The following SNTG1 variants were observed in gnomAD, a reference collection of about 807,000 sequenced individuals.
The protein encoded by SNTG1 is gamma-1-syntrophin.
In SNTG1, 39 loss-of-function variants were observed where a neutral mutation model predicts 74.7. The ratio of observed to expected loss-of-function variants is 0.52; its 90% CI spans 0.40 to 0.68. The LOEUF is 0.68. Ranked by LOEUF, SNTG1 falls within the 30% of genes least tolerant of loss-of-function variation. The probability of loss-of-function intolerance (pLI) is 0.00; values close to 1 mark genes in which losing one functional copy is unlikely to be tolerated. For synonymous variants in SNTG1, 254 were observed against 217.1 expected, an observed-to-expected ratio of 1.17 and a Z score of -1.49; for missense variants, 685 against 609.5, an observed-to-expected ratio of 1.12 and a Z score of -1.30.
At chr8:50,701,744 T>C (rs1452450400) in intron 15 of SNTG1, among the ~76,000 whole-genome samples, 21 of 54,876 alleles carry the variant, frequency 3.8e-4, no homozygotes, top group African/African-American at 1.0e-3. Context: ...TTCTTTTTCT[T>C]CTCCTTCTTC....
At chr8:49,984,078 G>A (rs1812930593) in intron 1 of SNTG1, among the ~76,000 whole-genome samples, 1 of 152,166 alleles carries the variant, frequency 6.6e-6, no homozygotes, top group South Asian at 2.1e-4. Context: ...TAAAAATCCT[G>A]TTTGGAATGA....
chr8:50,401,359 C>T (rs12679464), intron 3 of SNTG1, among the ~76,000 whole-genome samples: 89,980 of 151,948 alleles, frequency 0.59, 26,811 homozygotes, highest in East Asian at 0.82. Context: ...TATATGTATT[C>T]TGGATAAATG....
intron 18 of SNTG1, among the ~76,000 whole-genome samples, chr8:50,771,322 AC>A (rs1017293666): frequency 3.0e-4 from 46 of 152,088 alleles, no homozygotes; most frequent in African/African-American, 8.9e-4. Context: ...TGCCTATTAC[AC>A]CCTTGCAAAG....
chr8:50,325,555 T>C (rs979438174), intron 2 of SNTG1, among the ~76,000 whole-genome samples: 2 of 152,080 alleles, frequency 1.3e-5, no homozygotes, highest in Non-Finnish European at 2.9e-5. Flanking sequence ...AAAATTTATA[T>C]ATTAACTTCA....
At position 50,573,746 on chromosome 8, in the gene SNTG1, C is replaced by A. The variant is rs563334575; in HGVS notation, c.811-17133C>A. The stretch of plus-strand genomic sequence containing the variant: ...CCCCATGTTTTAGAAACAGAATACT[C>A]AAATTTTAAAATCATAGTTCCAGTA... On this transcript the variant is annotated intron_variant, in intron 12 of 18. Coordinates refer to ENST00000642720, the MANE Select transcript of SNTG1 (RefSeq NM_018967.5). Among the ~76,000 whole-genome samples the A allele has an allele frequency of 5.3e-5, 8 of 151,844 alleles. No homozygotes were observed. In the South Asian group the frequency reaches 1.7e-3, roughly 32 times the overall value.
At position 50,404,693 on chromosome 8, in the gene SNTG1, T is replaced by C. The variant is rs181743093; in HGVS notation, c.162+2349T>C. On this transcript the variant is annotated intron_variant, in intron 4 of 18. Coordinates refer to ENST00000642720, the MANE Select transcript of SNTG1 (RefSeq NM_018967.5). ...GTACCATCTTAACTATTTTTAAGTA[T>C]AAAGTTCAGTAGCATTTCGTGCATT... is the stretch of plus-strand genomic sequence containing the variant. 3.9e-5 allele frequency among the ~76,000 whole-genome samples: 6 copies of C among 152,202 alleles called. No individual in the cohort carries two copies. The East Asian group carries it at 1.2e-3, about 29-fold the overall frequency.
intron 1 of SNTG1, among the ~76,000 whole-genome samples, chr8:50,017,677 C>A (rs912735234): frequency 6.6e-6 from 1 of 151,516 alleles, no homozygotes; most frequent in Non-Finnish European, 1.5e-5. Context: ...AAAAAGCATA[C>A]GTTATAATGA....
rs1021274683 is a variant in SNTG1 at position 50,503,010 on chromosome 8, A to C, written c.466+130A>C. The C allele has an allele frequency of 1.3e-5, 9 of 678,254 alleles. No homozygotes were observed. In the East Asian group the frequency reaches 2.5e-4, roughly 19 times the overall value. 42.0% of individuals were successfully genotyped at this position (678,254 alleles called of 1,614,324 possible). On this transcript the variant is annotated intron_variant, in intron 9 of 18. Coordinates refer to ENST00000642720, the MANE Select transcript of SNTG1 (RefSeq NM_018967.5). ...CTGACTGTAAACATTTTTATATTAC[A>C]AAGTGTTCTACTAACCTTTATGAAA...
intron 1 of SNTG1, among the ~76,000 whole-genome samples, chr8:50,002,289 T>G (rs1814814974): frequency 6.6e-6 from 1 of 152,190 alleles, no homozygotes; most frequent in East Asian, 1.9e-4. Context: ...CCACTGTATT[T>G]TTTTCTTTCT....
At chr8:50,314,269 C>G (rs944477778) in intron 2 of SNTG1, among the ~76,000 whole-genome samples, 2 of 149,224 alleles carry the variant, frequency 1.3e-5, no homozygotes, top group African/African-American at 5.0e-5. Flanking sequence ...TTTTAATTCC[C>G]TGGCTCATTT....
At chr8:50,304,815 G>A (rs747712849) in intron 2 of SNTG1, among the ~76,000 whole-genome samples, 32 of 152,134 alleles carry the variant, frequency 2.1e-4, no homozygotes, top group South Asian at 6.2e-4. Context: ...TTCTTATGTC[G>A]CAATCTCTCT....
chr8:50,572,205 C>T lies in SNTG1; in HGVS notation c.811-18674C>T, dbSNP rs142111091. 6.0e-4 allele frequency among the ~76,000 whole-genome samples: 91 copies of T among 151,778 alleles called. No homozygotes were observed. In the East Asian group the frequency reaches 9.1e-3, roughly 15 times the overall value. On this transcript the variant is annotated intron_variant, in intron 12 of 18. Transcript: ENST00000642720. ...ACTCCTATAGCATCTTGTTATAATA[C>T]TCGTCTCAGAGACTTAGGATTATTT...
At chr8:49,913,978 A>G (rs1039532125) in intron 1 of SNTG1, among the ~76,000 whole-genome samples, 1 of 151,968 alleles carries the variant, frequency 6.6e-6, no homozygotes, top group Non-Finnish European at 1.5e-5. Flanking sequence ...ACCTTTGCCT[A>G]ATCCCTTAGG....
intron 2 of SNTG1, among the ~76,000 whole-genome samples, chr8:50,335,541 T>A (rs1328737144): frequency 1.3e-5 from 2 of 152,238 alleles, no homozygotes; most frequent in Non-Finnish European, 2.9e-5. Context: ...AGTCTCTTTC[T>A]GTCTGTGTTC....
At chr8:50,561,296 A>G (rs1158586236) in intron 12 of SNTG1, among the ~76,000 whole-genome samples, 1 of 152,150 alleles carries the variant, frequency 6.6e-6, no homozygotes, top group Non-Finnish European at 1.5e-5. Context: ...CCCAGCCATG[A>G]GGAACTATGA....
intron 1 of SNTG1, among the ~76,000 whole-genome samples, chr8:49,945,849 C>A (rs1004408102): frequency 1.3e-5 from 2 of 152,136 alleles, no homozygotes; most frequent in Non-Finnish European, 1.5e-5. Context: ...CACAGTGGGA[C>A]CAAGAACAAG....
intron 1 of SNTG1, among the ~76,000 whole-genome samples, chr8:49,999,812 T>C (rs1429910567): frequency 6.6e-6 from 1 of 152,124 alleles, no homozygotes; most frequent in African/African-American, 2.4e-5. Flanking sequence ...TACTTGATAT[T>C]GGCTGGTATA....
intron 13 of SNTG1, among the ~76,000 whole-genome samples, chr8:50,654,819 T>C (rs2131257803): frequency 6.6e-6 from 1 of 152,326 alleles, no homozygotes; most frequent in Non-Finnish European, 1.5e-5. Context: ...GCTCCAGTCC[T>C]GGCAAGGGCT....
chr8:50,238,577 T>C (rs1042310003), intron 2 of SNTG1, among the ~76,000 whole-genome samples: 13 of 152,062 alleles, frequency 8.5e-5, no homozygotes, highest in African/African-American at 3.1e-4. Context: ...TGGACATTAT[T>C]TCTGGCAAAG....
Sources: gnomAD v4.1 joint callset for allele counts (sites outside exome capture counted in the v4.1 genomes callset) on GRCh38, gnomAD v4.1.1 for gene constraint, MANE v1.5 for transcripts, NCBI Gene and HGNC (gene_info 2026-07-23, HGNC 2026-07-21) for gene names.